The following CSGALNACT1 variants were observed in gnomAD, a reference collection of about 807,000 sequenced individuals.
The protein encoded by CSGALNACT1 is chondroitin sulfate N-acetylgalactosaminyltransferase 1.
Under a neutral mutation model 51.0 loss-of-function variants are expected in CSGALNACT1, and 52 were observed. The ratio of observed to expected loss-of-function variants is 1.02; its 90% CI spans 0.82 to 1.29. The LOEUF is 1.29. Among genes scored for constraint, CSGALNACT1 ranks in the 50% most tolerant of loss-of-function variants. The pLI, the probability that CSGALNACT1 is intolerant of heterozygous loss-of-function variation, is 0.00. For synonymous variants in CSGALNACT1, 341 were observed against 254.4 expected, an observed-to-expected ratio of 1.34 and a Z score of -3.24; for missense variants, 935 against 679.2, an observed-to-expected ratio of 1.38 and a Z score of -4.19.
intron 4 of CSGALNACT1, among the ~76,000 whole-genome samples, chr8:19,460,098 AACACACACACAT>A (rs113721431): frequency 0.023 from 3,542 of 152,184 alleles, 131 homozygotes; most frequent in African/African-American, 0.08. Context: ...ACAGTCAGGA[AACACACACACAT>A]ACACACACAC....
intron 3 of CSGALNACT1, among the ~76,000 whole-genome samples, chr8:19,563,049 T>C (rs2041123492): frequency 6.6e-6 from 1 of 152,132 alleles, no homozygotes; most frequent in Non-Finnish European, 1.5e-5. Flanking sequence ...AATGATAGAC[T>C]GGATAAAGAA....
chr8:19,575,846 T>C (rs1387423962), intron 3 of CSGALNACT1, among the ~76,000 whole-genome samples: 1 of 152,194 alleles, frequency 6.6e-6, no homozygotes, highest in Non-Finnish European at 1.5e-5. Context: ...ATGTTAATCA[T>C]CAATGAAGTT....
At chr8:19,522,001 T>C (rs747642983) in intron 3 of CSGALNACT1, among the ~76,000 whole-genome samples, 2 of 152,128 alleles carry the variant, frequency 1.3e-5, no homozygotes, top group African/African-American at 2.4e-5. Context: ...GTCAATGCAG[T>C]GGTTGACATT....
chr8:19,404,917 C>G (rs1294871237), exon 10 of CSGALNACT1: 3 of 454,136 alleles, frequency 6.6e-6, no homozygotes, highest in Admixed American at 2.4e-5. Flanking sequence ...TGTATTAGTA[C>G]AAACCATTCC....
chr8:19,471,603 C>T (rs1171222581), intron 4 of CSGALNACT1, among the ~76,000 whole-genome samples: 2 of 152,010 alleles, frequency 1.3e-5, no homozygotes, highest in Non-Finnish European at 2.9e-5. Flanking sequence ...AGGGGTTCGA[C>T]GCCGGTAACT....
At chr8:19,740,912 T>A (rs1272021666) in intron 1 of CSGALNACT1, among the ~76,000 whole-genome samples, 1 of 152,164 alleles carries the variant, frequency 6.6e-6, no homozygotes, top group Non-Finnish European at 1.5e-5. Flanking sequence ...ACATATGTAT[T>A]CACAATTTAT....
At chr8:19,526,195 T>C (rs2081661985) in intron 3 of CSGALNACT1, among the ~76,000 whole-genome samples, 2 of 152,144 alleles carry the variant, frequency 1.3e-5, no homozygotes, top group Non-Finnish European at 2.9e-5. Context: ...GGACATGGGA[T>C]TGGGAGGCAG....
intron 1 of CSGALNACT1, among the ~76,000 whole-genome samples, chr8:19,687,784 T>A (rs890507591): frequency 1.3e-5 from 2 of 152,226 alleles, no homozygotes; most frequent in African/African-American, 4.8e-5. Flanking sequence ...CCATTACAAC[T>A]GTAGATCATG....
At chr8:19,603,425 G>T (rs1008894879), upstream of CSGALNACT1, among the ~76,000 whole-genome samples, 1 of 152,176 alleles carries the variant, frequency 6.6e-6, no homozygotes, top group African/African-American at 2.4e-5. Flanking sequence ...GCCCCAACTC[G>T]GTCCTCTACT....
chr8:19,567,256 G>C (rs1203685998), intron 3 of CSGALNACT1, among the ~76,000 whole-genome samples: 1 of 152,216 alleles, frequency 6.6e-6, no homozygotes, highest in Non-Finnish European at 1.5e-5. Flanking sequence ...CCAGTACAAA[G>C]AGGGAGACTT....
At chr8:19,643,531 G>T (rs2056953752) in intron 1 of CSGALNACT1, among the ~76,000 whole-genome samples, 1 of 152,014 alleles carries the variant, frequency 6.6e-6, no homozygotes, top group Non-Finnish European at 1.5e-5. Flanking sequence ...CCAGCTACTT[G>T]GGAGGCTAAG....
exon 8 of CSGALNACT1, chr8:19,418,672 G>A (rs771457349): frequency 1.2e-6 from 2 of 1,611,168 alleles, no homozygotes; most frequent in East Asian, 4.5e-5. Context: ...CTGTTCCAAG[G>A]GAGGGACTGC....
At chr8:19,743,256 G>A (rs1305758323) in intron 1 of CSGALNACT1, among the ~76,000 whole-genome samples, 6 of 152,146 alleles carry the variant, frequency 3.9e-5, no homozygotes, top group South Asian at 4.1e-4. Context: ...TGAAACGTAT[G>A]GAGTGGAAGC....
At chr8:19,730,268 T>A (rs2063618587) in intron 1 of CSGALNACT1, among the ~76,000 whole-genome samples, 1 of 152,140 alleles carries the variant, frequency 6.6e-6, no homozygotes, top group Admixed American at 6.5e-5. Context: ...CAAGAGATCA[T>A]GAAGACCAAG....
At chr8:19,511,313 C>T (rs1035142207) in intron 3 of CSGALNACT1, among the ~76,000 whole-genome samples, 1 of 152,192 alleles carries the variant, frequency 6.6e-6, no homozygotes, top group Admixed American at 6.5e-5. Context: ...GACCAAAGCC[C>T]TAATGCCGCA....
upstream of CSGALNACT1, among the ~76,000 whole-genome samples, chr8:19,605,848 A>T (rs2051297957): frequency 6.6e-6 from 1 of 152,262 alleles, no homozygotes; most frequent in African/African-American, 2.4e-5. Flanking sequence ...TGAAAAGAGC[A>T]ATTAAAAATG....
chr8:19,462,467 G>A (rs182509049), intron 4 of CSGALNACT1, among the ~76,000 whole-genome samples: 63 of 152,232 alleles, frequency 4.1e-4, no homozygotes, highest in Admixed American at 3.4e-3. Flanking sequence ...CTCAAGAGAT[G>A]GACATCTATT....
At chr8:19,616,445 G>A (rs961405376) in intron 1 of CSGALNACT1, among the ~76,000 whole-genome samples, 1 of 152,016 alleles carries the variant, frequency 6.6e-6, no homozygotes, top group Non-Finnish European at 1.5e-5. Flanking sequence ...TCACCTTCAG[G>A]CTCCAAAACC....
At chr8:19,643,661 A>T (rs183338708) in intron 1 of CSGALNACT1, among the ~76,000 whole-genome samples, 3 of 152,066 alleles carry the variant, frequency 2.0e-5, no homozygotes, top group South Asian at 4.1e-4. Flanking sequence ...AAGTGTGGAA[A>T]GTTTCTTTAA....
Sources: gnomAD v4.1 joint callset for allele counts (sites outside exome capture counted in the v4.1 genomes callset) on GRCh38, gnomAD v4.1.1 for gene constraint, MANE v1.5 for transcripts, NCBI Gene and HGNC (gene_info 2026-07-23, HGNC 2026-07-21) for gene names.